SYNE1: variants seen among roughly 807,000 people sequenced by gnomAD.
SYNE1 encodes the protein nesprin-1.
In SYNE1, 616 loss-of-function variants were observed where a neutral mutation model predicts 1,111.0. That is an observed-to-expected ratio of 0.55 (90% CI 0.52 to 0.59). The LOEUF is 0.59. Among genes scored for constraint, SYNE1 ranks in the 20% least tolerant of loss-of-function variants. SYNE1 has a pLI of 0.00. For missense variants in SYNE1, 10,006 were observed against 10,417.0 expected (o/e 0.96, Z 1.72); for synonymous variants, 3,855 against 3,825.8 (o/e 1.01, Z -0.28).
intron 137 of SYNE1, chr6:152,145,993 C>A: frequency 5.9e-6 from 1 of 170,562 alleles, no homozygotes; most frequent in South Asian, 1.2e-4. Context: ...CCACTGCACT[C>A]CAGCCTGGGC....
At chr6:152,225,661 A>C (rs1292771338) in intron 116 of SYNE1, 60 bp downstream of exon 116, 4 of 1,609,310 alleles carry the variant, frequency 2.5e-6, no homozygotes, top group Non-Finnish European at 3.4e-6. Flanking sequence ...ACCAAAACCC[A>C]GAGTTTGGAC....
intron 63 of SYNE1, among the ~76,000 whole-genome samples, chr6:152,363,501 A>C (rs1160287669): frequency 3.3e-3 from 14 of 4,240 alleles, no homozygotes; most frequent in South Asian, 0.01. Flanking sequence ...CTCAAACTAA[A>C]TAAATAAATA....
intron 64 of SYNE1, among the ~76,000 whole-genome samples, 171 bp from the exon 65 acceptor site, chr6:152,359,629 GGTGTGTGTGT>G (rs57095244): frequency 1.3e-5 from 2 of 148,496 alleles, no homozygotes; most frequent in Non-Finnish European, 3.0e-5. Flanking sequence ...TGAATGCATG[GGTGTGTGTGT>G]GTGTGTGTGT....
chr6:152,458,803 A>G lies in SYNE1; in HGVS notation c.2522T>C (p.Leu841Pro). Reference sequence around the variant, plus strand: ...GGCACTCGATTGTGCCTCACGCTCAAGAACTGTGATAATTTCATTGATTTT... The same window carrying G: ...GGCACTCGATTGTGCCTCACGCTCAGGAACTGTGATAATTTCATTGATTTT... ...LGKINEIITV[L>P]EREAQSSALF... is the part of the protein sequence containing the mutation. Residue 841 changes from leucine to proline, a missense_variant, in exon 22 of 146, where the codon CTT (leucine) becomes CCT (proline). By Grantham distance (98) the Leu-to-Pro change is moderately conservative. Coordinates refer to ENST00000367255, the MANE Select transcript of SYNE1 (RefSeq NM_182961.4). 1 of 1,614,120 alleles carries G rather than the reference A, an allele frequency of 6.2e-7. No homozygotes were observed. The highest frequency in any genetic ancestry group is 8.5e-7 in the Non-Finnish European group (1 of 1,179,996).
At chr6:152,577,449 A>G (rs1484206214) in intron 3 of SYNE1, among the ~76,000 whole-genome samples, 2 of 152,098 alleles carry the variant, frequency 1.3e-5, no homozygotes, top group Non-Finnish European at 2.9e-5. Flanking sequence ...TGGCTAACAC[A>G]GTGAAACCCC....
intron 27 of SYNE1, 122 bp downstream of exon 27, chr6:152,450,503 G>T (rs1009068236): frequency 1.0e-6 from 1 of 1,001,040 alleles, no homozygotes; most frequent in Non-Finnish European, 1.6e-6. Flanking sequence ...TTAAATGAAG[G>T]ATTTTTGTAC....
chr6:152,132,988 T>C (rs932309227), intron 143 of SYNE1, among the ~76,000 whole-genome samples: 3 of 152,156 alleles, frequency 2.0e-5, no homozygotes, highest in Non-Finnish European at 2.9e-5. Flanking sequence ...TTAAAGTGTG[T>C]AAATTCTTAA....
intron 95 of SYNE1, among the ~76,000 whole-genome samples, chr6:152,292,118 C>T (rs894671570): frequency 1.3e-5 from 2 of 152,074 alleles, no homozygotes; most frequent in African/African-American, 4.8e-5. Context: ...AAGAGGTGGC[C>T]GCTGGCAACA....
At chr6:152,478,399 C>G (rs573445878) in intron 14 of SYNE1, 60 of 151,744 alleles carry the variant, frequency 4.0e-4, no homozygotes, top group African/African-American at 1.4e-3. Flanking sequence ...TAAACTCCAA[C>G]AAAGAAAGAA....
chr6:152,202,008 G>A lies in SYNE1; in HGVS notation c.23020-59C>T, dbSNP rs2635441. The A allele has an allele frequency of 0.58, 914,353 of 1,571,890 alleles. 267,648 individuals carry two copies. The highest frequency in any genetic ancestry group is 0.68 in the Admixed American group (39,293 of 58,206). On this transcript the variant is annotated intron_variant, in intron 126 of 145. Coordinates refer to ENST00000367255, the MANE Select transcript of SYNE1 (RefSeq NM_182961.4). ...TTTTTGATGTAGGAAACTGGGGGGG[G>A]AAAAGAAAAGAAACACTCTTCTTCA...
At position 152,365,014 on chromosome 6, in the gene SYNE1, T is replaced by C. The variant is rs1286630366; in HGVS notation, c.9978A>G (p.Leu3326=). 1 of 1,614,234 alleles carries C rather than the reference T, an allele frequency of 6.2e-7. No homozygotes were observed. The highest frequency in any genetic ancestry group is 8.5e-7 in the Non-Finnish European group (1 of 1,180,038). The change falls in exon 63 of 146, where the codon CTA becomes CTG. Residue 3326 remains leucine, a synonymous_variant. Coordinates refer to ENST00000367255, the MANE Select transcript of SYNE1 (RefSeq NM_182961.4). ...TCTCTTTTTCCTGTTTGACTGATAA[T>C]AGAGCCTGTGAAAACACATACAGAA... ...LDSRTLKLEA[L]LSVKQEKEIQ...
chr6:152,556,333 T>A (rs2099365007), intron 3 of SYNE1, among the ~76,000 whole-genome samples: 7 of 152,144 alleles, frequency 4.6e-5, no homozygotes, highest in Admixed American at 4.6e-4. Flanking sequence ...ATAACTTCCA[T>A]ATGAGGGAGA....
intron 97 of SYNE1, among the ~76,000 whole-genome samples, 174 bp downstream of exon 97, chr6:152,281,633 T>C (rs1184962873): frequency 6.6e-6 from 1 of 152,200 alleles, no homozygotes; most frequent in Non-Finnish European, 1.5e-5. Flanking sequence ...GAGTCCAAGT[T>C]TGGATTTCAT....
At chr6:152,162,537 A>G (rs2062735943) in intron 131 of SYNE1, among the ~76,000 whole-genome samples, 1 of 152,220 alleles carries the variant, frequency 6.6e-6, no homozygotes, top group Non-Finnish European at 1.5e-5. Flanking sequence ...ATCACTATAG[A>G]CATCATTACC....
chr6:152,303,056 C>T (rs2095252457), intron 91 of SYNE1, among the ~76,000 whole-genome samples: 1 of 149,350 alleles, frequency 6.7e-6, no homozygotes, highest in Non-Finnish European at 1.5e-5. Context: ...AACGAAAATA[C>T]ATATTTCAAA....
At chr6:152,420,659 C>T (rs151029724) in intron 39 of SYNE1, among the ~76,000 whole-genome samples, 139 of 152,204 alleles carry the variant, frequency 9.1e-4, no homozygotes, top group Middle Eastern at 3.4e-3. Context: ...AAAATACATT[C>T]GTGAGATTTG....
Position 152,407,123 on chromosome 6 carries a change from G to T in SYNE1, c.6614C>A (p.Thr2205Asn), listed in dbSNP as rs771911160. 6.2e-7 allele frequency: 1 copy of T among 1,613,828 alleles called. No individual in the cohort carries two copies. Among genetic ancestry groups the T allele is most frequent in the African/African-American group, 1.3e-5 (1 of 74,918 alleles). The change falls in exon 45 of 146, where the codon ACT becomes AAT. Residue 2205 changes from threonine (T) to asparagine (N), a missense_variant. Physicochemically the swap from Thr to Asn is moderately conservative, Grantham distance 65 (BLOSUM62 0). Around this residue, in one of 7 missense-constraint regions of SYNE1, gnomAD observed 4,955 missense variants for 5,017.2 expected, o/e 0.99. Coordinates refer to ENST00000367255, the MANE Select transcript of SYNE1 (RefSeq NM_182961.4). ...TGACCATCCCTCAATCTCATCTCTA[G>T]TTGACAGTACATCATCCCAAATGGA... The part of the protein sequence containing the change: ...SLSIWDDVLS[T>N]RDEIEGWSNN...
intron 129 of SYNE1, among the ~76,000 whole-genome samples, chr6:152,177,321 C>T (rs2066723775): frequency 6.6e-6 from 1 of 152,020 alleles, no homozygotes; most frequent in Non-Finnish European, 1.5e-5. Flanking sequence ...AAGGACAATC[C>T]CCTCCCCCTG....
intron 30 of SYNE1, 86 bp downstream of exon 30, chr6:152,444,325 C>A (rs1258604857): frequency 2.2e-5 from 32 of 1,460,092 alleles, no homozygotes; most frequent in Admixed American, 6.7e-5. Flanking sequence ...CTCTCTCAAG[C>A]CAGTGGTTGT....
Sources: gnomAD v4.1 joint callset for allele counts (sites outside exome capture counted in the v4.1 genomes callset) on GRCh38, gnomAD v4.1.1 for gene constraint, gnomAD v4.1.1 regional missense constraint, MANE v1.5 for transcripts, NCBI Gene and HGNC (gene_info 2026-07-23, HGNC 2026-07-21) for gene names.